GRM8: variants seen among roughly 807,000 people sequenced by gnomAD.
GRM8 encodes the protein metabotropic glutamate receptor 8.
GRM8 carries 47 observed loss-of-function variants against 87.2 expected under a neutral mutation model. That is an observed-to-expected ratio of 0.54 (90% confidence interval 0.43 to 0.69). The LOEUF (loss-of-function observed/expected upper bound fraction) is 0.69, where lower values mean the gene tolerates loss of function less well. Ranked by LOEUF, GRM8 falls within the 30% of genes least tolerant of loss-of-function variation. GRM8 has a pLI of 0.00. For missense variants in GRM8, 1,019 were observed against 1,139.2 expected (o/e 0.89, Z 1.52); for synonymous variants, 396 against 404.5 (o/e 0.98, Z 0.25).
chr7:126,748,879 A>G (rs894200372), intron 7 of GRM8, among the ~76,000 whole-genome samples: 5 of 152,100 alleles, frequency 3.3e-5, no homozygotes, highest in Admixed American at 6.6e-5. Context: ...TAAATATAAT[A>G]CAATGGGAGA....
intron 2 of GRM8, among the ~76,000 whole-genome samples, chr7:127,166,255 C>A (rs1793444991): frequency 6.6e-6 from 1 of 152,118 alleles, no homozygotes; most frequent in Admixed American, 6.6e-5. Context: ...TCCTCTTTAC[C>A]TCCTGCTTCT....
intron 7 of GRM8, among the ~76,000 whole-genome samples, chr7:126,616,174 T>A (rs1232855608): frequency 6.6e-6 from 1 of 152,134 alleles, no homozygotes; most frequent in Non-Finnish European, 1.5e-5. Context: ...TAACAAACTA[T>A]CTCTCAGACC....
At chr7:126,830,291 A>G (rs1245109011) in intron 6 of GRM8, among the ~76,000 whole-genome samples, 1 of 152,224 alleles carries the variant, frequency 6.6e-6, no homozygotes, top group Non-Finnish European at 1.5e-5. Flanking sequence ...AATATCCTGC[A>G]GAGTGTTTTC....
chr7:126,924,023 G>A (rs576187150), intron 3 of GRM8, among the ~76,000 whole-genome samples: 6 of 152,296 alleles, frequency 3.9e-5, no homozygotes, highest in African/African-American at 9.6e-5. Flanking sequence ...TTACCTCACA[G>A]TTCTCCAGAA....
chr7:126,470,423 G>A lies in GRM8; in HGVS notation c.2431-24051C>T, dbSNP rs542904722. Among the ~76,000 whole-genome samples, 11 of 141,708 alleles carry A rather than the reference G, an allele frequency of 7.8e-5. No homozygotes were observed. In the East Asian group the frequency reaches 2.3e-3, roughly 30 times the overall value. 93.0% of individuals were successfully genotyped at this position (141,708 alleles called of 152,430 possible). On this transcript the variant is annotated intron_variant, in intron 9 of 10. Coordinates refer to ENST00000339582, the MANE Select transcript of GRM8 (RefSeq NM_000845.3). The stretch of plus-strand genomic sequence containing the variant: ...TTCTCATTGTTCAATTCCTACCTAT[G>A]AGTGAAAACATGCAGTGTTTGGTTT...
chr7:127,218,704 A>G (rs1037521768), intron 2 of GRM8, among the ~76,000 whole-genome samples: 4 of 152,144 alleles, frequency 2.6e-5, no homozygotes, highest in Non-Finnish European at 5.9e-5. Flanking sequence ...GACGGAACTG[A>G]AGAAAATCCA....
intron 6 of GRM8, among the ~76,000 whole-genome samples, chr7:126,883,792 A>G (rs978956279): frequency 1.2e-4 from 19 of 152,138 alleles, no homozygotes; most frequent in African/African-American, 3.9e-4. Context: ...TATTGTTGGT[A>G]TATCCCATGT....
intron 2 of GRM8, among the ~76,000 whole-genome samples, chr7:127,117,703 C>T (rs1180676408): frequency 2.0e-5 from 3 of 152,178 alleles, no homozygotes; most frequent in Non-Finnish European, 4.4e-5. Context: ...ATTTAACTCT[C>T]CCACCCACTC....
At chr7:126,716,393 A>G (rs1563118857) in intron 7 of GRM8, among the ~76,000 whole-genome samples, 1 of 152,154 alleles carries the variant, frequency 6.6e-6, no homozygotes, top group Non-Finnish European at 1.5e-5. Context: ...TCTACAGAAA[A>G]AAAAAAAAGT....
At chr7:126,623,502 TG>T (rs1800380553) in intron 7 of GRM8, among the ~76,000 whole-genome samples, 1 of 152,142 alleles carries the variant, frequency 6.6e-6, no homozygotes, top group South Asian at 2.1e-4. Flanking sequence ...AACACCCACA[TG>T]GTTAGTGCTG....
At chr7:127,191,341 A>T (rs770422838) in intron 2 of GRM8, among the ~76,000 whole-genome samples, 5 of 152,268 alleles carry the variant, frequency 3.3e-5, no homozygotes, top group Non-Finnish European at 7.4e-5. Context: ...AACTACCTAC[A>T]TTGTTTTTAT....
chr7:127,097,695 T>G (rs1824810729), intron 3 of GRM8, among the ~76,000 whole-genome samples: 1 of 152,182 alleles, frequency 6.6e-6, no homozygotes, highest in South Asian at 2.1e-4. Flanking sequence ...ATCATTGAAT[T>G]ATTACTGAGC....
intron 7 of GRM8, among the ~76,000 whole-genome samples, chr7:126,646,281 AG>A (rs1803064686): frequency 6.8e-5 from 5 of 74,012 alleles, no homozygotes; most frequent in Admixed American, 5.1e-4. Context: ...GAAGGAAGGA[AG>A]GAAGGAAGGA....
chr7:126,923,613 G>T (rs77450424), intron 3 of GRM8, among the ~76,000 whole-genome samples: 3,260 of 152,188 alleles, frequency 0.021, 115 homozygotes, highest in African/African-American at 0.074. Context: ...AAATTCAGTG[G>T]ACAAAATGGC....
rs565706209 is a variant in GRM8 at position 126,802,907 on chromosome 7, T to G, written c.1157-32842A>C. On this transcript the variant is annotated intron_variant, in intron 6 of 10. Transcript: ENST00000339582. Reference sequence around the variant, plus strand: ...TTCAAGGAAATGGTGTTCATTCACATAATCACAGCATCATATAAATAAGCT... The same window carrying G: ...TTCAAGGAAATGGTGTTCATTCACAGAATCACAGCATCATATAAATAAGCT... Among the ~76,000 whole-genome samples, 15 of 152,326 alleles carry G rather than the reference T, an allele frequency of 9.8e-5. No individual in the cohort carries two copies. In the East Asian group the frequency reaches 2.9e-3, roughly 29 times the overall value.
intron 6 of GRM8, among the ~76,000 whole-genome samples, chr7:126,777,240 G>A (rs1033974258): frequency 6.6e-6 from 1 of 152,108 alleles, no homozygotes; most frequent in Non-Finnish European, 1.5e-5. Context: ...GAAGTGAAAG[G>A]GAAGAGGGAG....
intron 2 of GRM8, among the ~76,000 whole-genome samples, chr7:127,170,637 A>T (rs1793740624): frequency 6.6e-6 from 1 of 152,218 alleles, no homozygotes; most frequent in Non-Finnish European, 1.5e-5. Flanking sequence ...ACACACACAC[A>T]TACCATGGAA....
At chr7:126,711,966 G>C (rs936508291) in intron 7 of GRM8, among the ~76,000 whole-genome samples, 1 of 152,182 alleles carries the variant, frequency 6.6e-6, no homozygotes, top group Non-Finnish European at 1.5e-5. Context: ...TAAGCAATAA[G>C]ACTGTTTCAC....
At chr7:127,081,618 G>A (rs1174332083) in intron 3 of GRM8, among the ~76,000 whole-genome samples, 1 of 152,188 alleles carries the variant, frequency 6.6e-6, no homozygotes, top group African/African-American at 2.4e-5. Flanking sequence ...GCCTGGGCCA[G>A]AAGGGGAGGG....
Sources: gnomAD v4.1 joint callset for allele counts (sites outside exome capture counted in the v4.1 genomes callset) on GRCh38, gnomAD v4.1.1 for gene constraint, MANE v1.5 for transcripts, NCBI Gene and HGNC (gene_info 2026-07-23, HGNC 2026-07-21) for gene names.